TAFA2: variants seen among roughly 807,000 people sequenced by gnomAD.
The protein encoded by TAFA2 is chemokine-like protein TAFA-2.
A neutral mutation model predicts 18.8 loss-of-function variants in TAFA2; 7 were observed. The ratio of observed to expected loss-of-function variants is 0.37; its 90% CI spans 0.21 to 0.70. TAFA2 has a LOEUF of 0.70. TAFA2 is among the 30% of genes least tolerant of loss of function. The pLI, the probability that TAFA2 is intolerant of heterozygous loss-of-function variation, is 0.53. For synonymous variants in TAFA2, 60 were observed against 54.2 expected (o/e 1.11, Z -0.47); for missense variants, 122 against 158.1 (o/e 0.77, Z 1.23).
At chr12:62,198,648 A>C (rs1176487230) in intron 1 of TAFA2, among the ~76,000 whole-genome samples, 9 of 152,190 alleles carry the variant, frequency 5.9e-5, no homozygotes, top group African/African-American at 2.2e-4. Flanking sequence ...TTATGCAATA[A>C]TGTGTCTCTC....
intron 4 of TAFA2, among the ~76,000 whole-genome samples, chr12:61,750,641 G>T (rs921222355): frequency 6.6e-6 from 1 of 152,094 alleles, no homozygotes; most frequent in Non-Finnish European, 1.5e-5. Flanking sequence ...TCGGGAAGGT[G>T]CCACTCATCT....
At chr12:61,781,321 G>C (rs1378194888) in intron 2 of TAFA2, among the ~76,000 whole-genome samples, 1 of 151,696 alleles carries the variant, frequency 6.6e-6, no homozygotes, top group Non-Finnish European at 1.5e-5. Flanking sequence ...ACTTTGCCTA[G>C]GTTCTGCCTC....
At chr12:61,983,720 C>T (rs61941017) in intron 1 of TAFA2, among the ~76,000 whole-genome samples, 47,787 of 152,036 alleles carry the variant, frequency 0.31, 9,476 homozygotes, top group Middle Eastern at 0.45. Context: ...AACCCCAGCA[C>T]TTTAAGAATC....
intron 1 of TAFA2, among the ~76,000 whole-genome samples, chr12:62,007,460 A>C: frequency 6.6e-6 from 1 of 152,350 alleles, no homozygotes; most frequent in South Asian, 2.1e-4. Context: ...TGTTCTGTTC[A>C]CAGTGACTGG....
rs78260141 is a variant in TAFA2 at position 62,024,323 on chromosome 12, A to G, written c.-1-156897T>C. Among the ~76,000 whole-genome samples the G allele has an allele frequency of 7.7e-3, 1,175 of 152,252 alleles. 16 individuals are homozygous for G. The highest frequency in any genetic ancestry group is 0.027 in the African/African-American group (1,124 of 41,544). Reference sequence around the variant, plus strand: ...TGAACTCTCATGGAAAGTTAGATGAATAGTTGCCTGGATAGAGATATAGGT... The same window carrying G: ...TGAACTCTCATGGAAAGTTAGATGAGTAGTTGCCTGGATAGAGATATAGGT... On this transcript the variant is annotated intron_variant, in intron 1 of 4. Coordinates refer to ENST00000416284, the MANE Select transcript of TAFA2 (RefSeq NM_178539.5).
intron 1 of TAFA2, among the ~76,000 whole-genome samples, chr12:61,912,254 A>G (rs1876640271): frequency 6.6e-6 from 1 of 152,330 alleles, no homozygotes; most frequent in Non-Finnish European, 1.5e-5. Flanking sequence ...TGAAGTTTAC[A>G]CATAGAAAAA....
chr12:61,833,731 A>C (rs766080754), intron 2 of TAFA2, among the ~76,000 whole-genome samples: 1 of 151,800 alleles, frequency 6.6e-6, no homozygotes, highest in African/African-American at 2.4e-5. Context: ...TTTGTTGTCT[A>C]TAAGAACTCT....
intron 1 of TAFA2, among the ~76,000 whole-genome samples, chr12:62,226,243 G>C (rs1283988673): frequency 6.6e-6 from 1 of 150,992 alleles, no homozygotes; most frequent in Non-Finnish European, 1.5e-5. Flanking sequence ...GCCCAGGCTG[G>C]AGTGCAGTGG....
intron 1 of TAFA2, among the ~76,000 whole-genome samples, chr12:62,160,450 ACCT>A (rs2062399227): frequency 1.3e-5 from 2 of 152,216 alleles, no homozygotes; most frequent in Admixed American, 1.3e-4. Context: ...CATTGCAATT[ACCT>A]GGTTTCTCCT....
At chr12:62,251,491 C>G (rs1395881815) in intron 1 of TAFA2, among the ~76,000 whole-genome samples, 1 of 152,112 alleles carries the variant, frequency 6.6e-6, no homozygotes, top group Non-Finnish European at 1.5e-5. Flanking sequence ...AAATTTTGGC[C>G]ACTGCCAGGG....
chr12:62,158,064 T>C (rs1040101115), intron 1 of TAFA2, among the ~76,000 whole-genome samples: 11 of 152,190 alleles, frequency 7.2e-5, no homozygotes, highest in African/African-American at 2.4e-4. Flanking sequence ...TTAAATCACA[T>C]TCCCTATAAA....
At chr12:61,858,935 A>T (rs1419979945) in intron 2 of TAFA2, among the ~76,000 whole-genome samples, 1 of 152,250 alleles carries the variant, frequency 6.6e-6, no homozygotes, top group African/African-American at 2.4e-5. Flanking sequence ...GCTATATCAC[A>T]ATATGGATGA....
intron 1 of TAFA2, chr12:61,879,372 G>A: frequency 1.3e-6 from 1 of 742,480 alleles, no homozygotes; most frequent in Non-Finnish European, 2.3e-6. Flanking sequence ...TGGCCCCCGG[G>A]CCTTCAGCAG....
rs755292079 is a variant in TAFA2 at position 62,056,600 on chromosome 12, A to G, written c.-2+134659T>C. Among the ~76,000 whole-genome samples, 152 of 152,234 alleles carry G rather than the reference A, an allele frequency of 1.0e-3. 2 individuals carry two copies. The highest frequency in any genetic ancestry group is 2.2e-4 in the Non-Finnish European group (15 of 68,004). On this transcript the variant is annotated intron_variant, in intron 1 of 4. Transcript: ENST00000416284. ...AACATGCCCACTCTTCTGGTGTCCCATCTCTGCATTTTGCAACTTTCTAAG... is the reference window on the plus strand; with the variant it reads ...AACATGCCCACTCTTCTGGTGTCCCGTCTCTGCATTTTGCAACTTTCTAAG...
intron 1 of TAFA2, among the ~76,000 whole-genome samples, chr12:62,134,466 C>T (rs968529032): frequency 1.1e-4 from 17 of 151,990 alleles, no homozygotes; most frequent in African/African-American, 4.1e-4. Flanking sequence ...AGATGGCCAT[C>T]AGCAGATACT....
At position 62,192,666 on chromosome 12, in the gene TAFA2, C is replaced by G. The variant is rs1031174737; in HGVS notation, c.-1409G>C. 6.6e-6 allele frequency: 1 copy of G among 152,292 alleles called. No homozygotes were observed. The highest frequency in any genetic ancestry group is 2.4e-5 in the African/African-American group (1 of 41,450). 9.4% of individuals were successfully genotyped at this position (152,292 alleles called of 1,614,324 possible). On this transcript the variant is annotated 5_prime_UTR_variant, in exon 1 of 5. Transcript: ENST00000416284. Reference sequence around the variant, plus strand: ...CAGCGAGAATGCAGGAGAATAGGTCCTGACACTCCAGGTTGAGTTAAGCAG... The same window carrying G: ...CAGCGAGAATGCAGGAGAATAGGTCGTGACACTCCAGGTTGAGTTAAGCAG...
At chr12:62,135,724 A>G (rs530699864) in intron 1 of TAFA2, 4 of 152,104 alleles carry the variant, frequency 2.6e-5, no homozygotes, top group African/African-American at 4.8e-5. Context: ...CATCAGCTCA[A>G]TTAAGTTAGT....
chr12:62,046,544 G>A (rs1881914315), intron 1 of TAFA2, among the ~76,000 whole-genome samples: 1 of 151,940 alleles, frequency 6.6e-6, no homozygotes, highest in African/African-American at 2.4e-5. Context: ...AGCTTTAAAT[G>A]CCCTGATTTT....
chr12:62,188,845 T>G (rs1592391639), intron 1 of TAFA2, among the ~76,000 whole-genome samples: 1 of 152,192 alleles, frequency 6.6e-6, no homozygotes, highest in Admixed American at 6.5e-5. Flanking sequence ...TTTACAGCCA[T>G]GTCATCACAT....
Sources: gnomAD v4.1 joint callset for allele counts (sites outside exome capture counted in the v4.1 genomes callset) on GRCh38, gnomAD v4.1.1 for gene constraint, MANE v1.5 for transcripts, NCBI Gene and HGNC (gene_info 2026-07-23, HGNC 2026-07-21) for gene names.